The following DHRSX variants were observed in gnomAD, a reference collection of about 807,000 sequenced individuals.
DHRSX encodes the protein polyprenol dehydrogenase.
A neutral mutation model predicts 34.0 loss-of-function variants in DHRSX; 31 were observed. The observed-to-expected ratio is 0.91, with a 90% CI of 0.69 to 1.23. DHRSX has a LOEUF of 1.23. Among genes scored for constraint, DHRSX ranks in the 50% most tolerant of loss-of-function variants. The probability of loss-of-function intolerance (pLI) is 0.00; values close to 1 mark genes in which losing one functional copy is unlikely to be tolerated. For synonymous variants in DHRSX, 201 were observed against 183.8 expected, an observed-to-expected ratio of 1.09 and a Z score of -0.76; for missense variants, 414 against 428.1, an observed-to-expected ratio of 0.97 and a Z score of 0.29.
chrX:2,304,319 G>GGATGGATGGATGGATGAACT (rs1227546880), intron 3 of DHRSX, among the ~76,000 whole-genome samples: 2 of 149,624 alleles, frequency 1.3e-5, no homozygotes, highest in Non-Finnish European at 1.5e-5. Context: ...ATGAATGGAT[G>GGATGGATGGATGGATGAACT]GATGGATGGA....
At chrX:2,255,231 C>T (rs146870148) in intron 5 of DHRSX, among the ~76,000 whole-genome samples, 3,256 of 152,176 alleles carry the variant, frequency 0.021, 64 homozygotes, top group South Asian at 0.056. Flanking sequence ...AGAAAACAAC[C>T]AAAACAACAC....
chrX:2,446,723 T>C (rs750606307), intron 1 of DHRSX, among the ~76,000 whole-genome samples: 2 of 151,640 alleles, frequency 1.3e-5, no homozygotes, highest in South Asian at 4.2e-4. Context: ...TCCCTAAGAA[T>C]GTGGCCAAGG....
intron 3 of DHRSX, among the ~76,000 whole-genome samples, chrX:2,357,553 T>A (rs151050952): frequency 0.039 from 5,961 of 151,290 alleles, 389 homozygotes; most frequent in African/African-American, 0.14. Flanking sequence ...GCAAATCAGG[T>A]GGAAAGAGCT....
At chrX:2,459,516 TAG>T (rs750009785) in intron 1 of DHRSX, among the ~76,000 whole-genome samples, 91 of 139,436 alleles carry the variant, frequency 6.5e-4, no homozygotes, top group Admixed American at 8.3e-4. Flanking sequence ...TATTGTACCA[TAG>T]AGAGAGAGAG....
intron 6 of DHRSX, among the ~76,000 whole-genome samples, chrX:2,242,367 G>A (rs763804495): frequency 6.6e-6 from 1 of 152,082 alleles, no homozygotes; most frequent in East Asian, 1.9e-4. Flanking sequence ...GGGTGAGAAT[G>A]TACAAATACA....
chrX:2,314,205 AGAGGGAGGGAAGGAGGGAAGGAAGG>A (rs774771403), intron 3 of DHRSX, among the ~76,000 whole-genome samples: 6,334 of 30,584 alleles, frequency 0.21, 595 homozygotes, highest in African/African-American at 0.33. Context: ...GGGAAGGAAG[AGAGGGAGGGAAGGAGGGAAGGAAGG>A]GAGGGAGGGA....
intron 1 of DHRSX, chrX:2,489,702 T>C (rs1338850112): frequency 6.2e-7 from 1 of 1,612,808 alleles, no homozygotes; most frequent in South Asian, 1.1e-5. Context: ...TGGGCCACGT[T>C]CTGCTGCTTC....
intron 3 of DHRSX, among the ~76,000 whole-genome samples, chrX:2,319,316 G>A (rs1423112735): frequency 3.3e-5 from 5 of 150,646 alleles, no homozygotes; most frequent in South Asian, 2.1e-4. Context: ...AGGCCGAGGC[G>A]GGTAGATCAC....
chrX:2,348,845 G>A lies in DHRSX; in HGVS notation c.287-57242C>T, dbSNP rs556748739. Among the ~76,000 whole-genome samples the A allele has an allele frequency of 6.6e-5, 10 of 151,830 alleles. No homozygotes were observed. In the South Asian group the frequency reaches 8.3e-4, roughly 13 times the overall value. Reference sequence around the variant, plus strand: ...CGTAACTGGGATTTCAGGCACCCACGACCACACTCAGCTAATTTTTGTATT... The same window carrying A: ...CGTAACTGGGATTTCAGGCACCCACAACCACACTCAGCTAATTTTTGTATT... On this transcript the variant is annotated intron_variant, in intron 3 of 6. Coordinates refer to ENST00000334651, the MANE Select transcript of DHRSX (RefSeq NM_145177.3).
At chrX:2,444,986 G>A (rs1470555776) in intron 1 of DHRSX, among the ~76,000 whole-genome samples, 37 of 152,080 alleles carry the variant, frequency 2.4e-4, no homozygotes, top group East Asian at 5.8e-4. Context: ...GAGAAACCCC[G>A]TCTCTACTAA....
chrX:2,453,935 T>C (rs934406864), intron 1 of DHRSX, among the ~76,000 whole-genome samples: 1 of 151,576 alleles, frequency 6.6e-6, no homozygotes, highest in African/African-American at 2.4e-5. Context: ...TTTTAATATG[T>C]TAATTAACTT....
chrX:2,258,709 C>A (rs1234924931), intron 5 of DHRSX, among the ~76,000 whole-genome samples: 1 of 152,160 alleles, frequency 6.6e-6, no homozygotes, highest in Non-Finnish European at 1.5e-5. Context: ...ATGTTCTCTC[C>A]TTTAAGAGAT....
At position 2,425,516 on chromosome X, in the gene DHRSX, T is replaced by G. The variant is rs190881867; in HGVS notation, c.110-212A>C. Among the ~76,000 whole-genome samples the G allele has an allele frequency of 2.8e-4, 43 of 152,244 alleles. No homozygotes were observed. In the East Asian group the frequency reaches 7.5e-3, roughly 27 times the overall value. On this transcript the variant is annotated intron_variant, in intron 1 of 6. Transcript: ENST00000334651. ...AATGACAGTGCAGTAAAAAACCACC[T>G]GATAAATCCCCTGTCATCCCCTGTG... is the stretch of plus-strand genomic sequence containing the variant.
chrX:2,474,230 C>T (rs115641052), intron 1 of DHRSX, among the ~76,000 whole-genome samples: 31,190 of 150,690 alleles, frequency 0.21, 4,270 homozygotes, highest in African/African-American at 0.39. Context: ...GACTGCCACT[C>T]CGTATGCACT....
chrX:2,490,763 TG>T, intron 1 of DHRSX: 1 of 1,585,142 alleles, frequency 6.3e-7, no homozygotes, highest in South Asian at 1.2e-5. Context: ...TGCTCATGCG[TG>T]GGGACCTGCT....
At chrX:2,465,806 T>G (rs2044483542) in intron 1 of DHRSX, among the ~76,000 whole-genome samples, 1 of 81,110 alleles carries the variant, frequency 1.2e-5, no homozygotes, top group Admixed American at 1.2e-4. Flanking sequence ...CAAAACTCCA[T>G]CGCAAAAAAA....
chrX:2,440,830 G>T (rs2044053525), intron 1 of DHRSX, among the ~76,000 whole-genome samples: 1 of 152,116 alleles, frequency 6.6e-6, no homozygotes, highest in African/African-American at 2.4e-5. Flanking sequence ...TTCACCTTGT[G>T]ATCGTGTGAG....
At chrX:2,465,063 T>G (rs1433191471) in intron 1 of DHRSX, among the ~76,000 whole-genome samples, 1 of 151,238 alleles carries the variant, frequency 6.6e-6, no homozygotes, top group African/African-American at 2.4e-5. Flanking sequence ...CCTAGGCATA[T>G]GGCCAAGGGA....
chrX:2,324,290 G>GA (rs1387691428), intron 3 of DHRSX, among the ~76,000 whole-genome samples: 10 of 152,104 alleles, frequency 6.6e-5, no homozygotes, highest in African/African-American at 2.4e-4. Context: ...GGCGCTGCAT[G>GA]AAGCCTGTCT....
Sources: gnomAD v4.1 joint callset for allele counts (sites outside exome capture counted in the v4.1 genomes callset) on GRCh38, gnomAD v4.1.1 for gene constraint, MANE v1.5 for transcripts, NCBI Gene and HGNC (gene_info 2026-07-23, HGNC 2026-07-21) for gene names.